The following WNK2 variants were observed in gnomAD, a reference collection of about 807,000 sequenced individuals.
The protein encoded by WNK2 is serine/threonine-protein kinase WNK2.
Under a neutral mutation model 192.1 loss-of-function variants are expected in WNK2, and 67 were observed. The observed-to-expected ratio is 0.35, with a 90% confidence interval of 0.29 to 0.43. The LOEUF is 0.43. Among genes scored for constraint, WNK2 ranks in the 20% least tolerant of loss-of-function variants. The probability of loss-of-function intolerance (pLI) is 1.00; values close to 1 mark genes in which losing one functional copy is unlikely to be tolerated. For synonymous variants in WNK2, 1,439 were observed against 1,393.9 expected (o/e 1.03, Z -0.72); for missense variants, 2,698 against 3,089.7 (o/e 0.87, Z 3.01).
rs775485696 is a variant in WNK2 at position 93,293,130 on chromosome 9, G to A, written c.5665G>A (p.Glu1889Lys). Reference protein sequence around the residue: ...YISSDNDSELEDADIKKELQS... With the variant: ...YISSDNDSELKDADIKKELQS... Reference sequence around the variant, plus strand: ...CAGCAGCGACAATGATTCGGAGCTCGAGGATGCTGACATAAAGAAGGAGCT... The same window carrying A: ...CAGCAGCGACAATGATTCGGAGCTCAAGGATGCTGACATAAAGAAGGAGCT... Residue 1889 changes from glutamate to lysine, a missense_variant, in exon 23 of 30, where the codon GAG becomes AAG. Physicochemically the swap from Glu to Lys is moderately conservative, Grantham distance 56. This residue lies in a region of WNK2 where 1,098 missense variants were observed against 1,101.0 expected (regional missense o/e 1.00). Transcript: ENST00000427277. The A allele has an allele frequency of 7.0e-6, 11 of 1,573,312 alleles. No homozygotes were observed. The highest frequency in any genetic ancestry group is 3.8e-5 in the Admixed American group (2 of 52,868).
Position 93,229,716 on chromosome 9 carries a change from G to A in WNK2, c.702G>A (p.Leu234=), listed in dbSNP as rs1838410905. 6.2e-7 allele frequency: 1 copy of A among 1,613,234 alleles called. No individual in the cohort carries two copies. The highest frequency in any genetic ancestry group is 8.5e-7 in the Non-Finnish European group (1 of 1,179,632). ...TGTAGGACCGGAAGCTCACCAAGCTGGAGCGGCAGCGGTTCAAGGAAGAGG... is the reference window on the plus strand; with the variant it reads ...TGTAGGACCGGAAGCTCACCAAGCTAGAGCGGCAGCGGTTCAAGGAAGAGG... ...CELQDRKLTK[L]ERQRFKEEAE... The change falls in exon 3 of 30, where the codon CTG becomes CTA. Residue 234 remains leucine (L), a synonymous_variant. Transcript: ENST00000427277. This position sits in a 1 kb window ranked among gnomAD's most constrained non-coding sequence, Gnocchi z 4.9.
At chr9:93,302,107 TCTG>T (rs1564212550) in intron 26 of WNK2, among the ~76,000 whole-genome samples, 1 of 152,202 alleles carries the variant, frequency 6.6e-6, no homozygotes, top group Non-Finnish European at 1.5e-5. Flanking sequence ...CACTGGCACA[TCTG>T]CTGCTCATGG....
rs146141399 is a variant in WNK2 at position 93,230,456 on chromosome 9, A to G, written c.855-432A>G. Reference sequence around the variant, plus strand: ...CAGGGCACAGCTCAGGGCAGGCCACACAGGTGGCCAGTGGCAGAGAGAGCC... The same window carrying G: ...CAGGGCACAGCTCAGGGCAGGCCACGCAGGTGGCCAGTGGCAGAGAGAGCC... On this transcript the variant is annotated intron_variant, in intron 3 of 29. Transcript: ENST00000427277. Among the ~76,000 whole-genome samples, 1,106 of 152,288 alleles carry G rather than the reference A, an allele frequency of 7.3e-3. 13 individuals are homozygous for G. The highest frequency in any genetic ancestry group is 0.025 in the African/African-American group (1,057 of 41,570).
intron 2 of WNK2, among the ~76,000 whole-genome samples, chr9:93,226,624 C>T (rs1038438001): frequency 2.0e-5 from 3 of 152,184 alleles, no homozygotes; most frequent in Non-Finnish European, 4.4e-5. Flanking sequence ...TCTCTTGGCT[C>T]CCACTTCTAC....
At chr9:93,240,392 T>C (rs1840553782) in intron 7 of WNK2, among the ~76,000 whole-genome samples, 1 of 152,164 alleles carries the variant, frequency 6.6e-6, no homozygotes, top group Non-Finnish European at 1.5e-5. Context: ...TTGGGAGCAC[T>C]GTTACATTGG....
chr9:93,243,870 G>T (rs1309061786), intron 7 of WNK2, among the ~76,000 whole-genome samples: 1 of 152,254 alleles, frequency 6.6e-6, no homozygotes, highest in Non-Finnish European at 1.5e-5. Flanking sequence ...AAAACAGCTT[G>T]ATGTTGGTGC....
chr9:93,308,897 G>T, intron 28 of WNK2: 6 of 1,231,596 alleles, frequency 4.9e-6, no homozygotes, highest in Non-Finnish European at 6.1e-6. Flanking sequence ...CTCAGAGCAG[G>T]TAGCCCTGGT....
chr9:93,306,677 C>T (rs1852614724), intron 26 of WNK2, 100 bp from the exon 27 acceptor site: 3 of 1,458,344 alleles, frequency 2.1e-6, no homozygotes, highest in Admixed American at 3.4e-5. Flanking sequence ...GTCTGCCCCT[C>T]CCTGCACACT....
rs1564117010 is a variant in WNK2, at chr9:93,262,015, C to A, written c.3268C>A (p.Leu1090Ile). The change falls in exon 13 of 30, where the codon CTT becomes ATT. Residue 1090 changes from leucine to isoleucine, a missense_variant. By Grantham distance (5) the Leu-to-Ile change is conservative. This residue lies in a region of WNK2 where 893 missense variants were observed against 909.0 expected (regional missense o/e 0.98). Coordinates refer to ENST00000427277, the MANE Select transcript of WNK2 (RefSeq NM_006648.4). ...GAGTGTGCCCACCCAGACTGCCACA[C>A]TTCTGCCACCAGCAAACCCACCGCT... ...VQSVPTQTAT[L>I]LPPANPPLPG... 1 of 1,611,780 alleles carries A rather than the reference C, an allele frequency of 6.2e-7. No individual in the cohort carries two copies. The highest frequency in any genetic ancestry group is 1.1e-5 in the South Asian group (1 of 90,988).
intron 4 of WNK2, 87 bp downstream of exon 4, chr9:93,231,195 A>G (rs1333215704): frequency 4.4e-6 from 6 of 1,353,430 alleles, no homozygotes; most frequent in Non-Finnish European, 5.2e-6. Flanking sequence ...TTTTGTTCAG[A>G]CCTGGTGCAG....
At position 93,259,501 on chromosome 9, in the gene WNK2, A is replaced by ATGCTGCCCCCACAACCTG. The variant is rs746181231; in HGVS notation, c.2964_2981dup (p.Val991_Pro996dup). ...TCAACCTGTGCTGCCCCCGCAACCC[A>ATGCTGCCCCCACAACCTG]TGCTGCCCCCACAACCTGTGCTGCC... On this transcript the variant is annotated inframe_insertion, in exon 12 of 30. Transcript: ENST00000427277. The surrounding 1 kb of genome is among the most constrained non-coding windows in gnomAD (Gnocchi z 4.8). The ATGCTGCCCCCACAACCTG allele has an allele frequency of 7.9e-7, 1 of 1,270,248 alleles. No individual in the cohort carries two copies. Among genetic ancestry groups the ATGCTGCCCCCACAACCTG allele is most frequent in the Admixed American group, 2.3e-5 (1 of 44,244 alleles). The allele number at this position is 1,270,248 out of a possible 1,614,324, so 78.7% of individuals were successfully genotyped here. A position where few individuals can be genotyped will look rare whatever the true frequency, so the allele number is the denominator to read the frequency against.
At chr9:93,255,489 C>T (rs1235422388) in intron 9 of WNK2, among the ~76,000 whole-genome samples, 1 of 152,166 alleles carries the variant, frequency 6.6e-6, no homozygotes. Context: ...TACACTTGCT[C>T]CAACCACTCA....
At chr9:93,260,117 C>T (rs983459917) in intron 12 of WNK2, among the ~76,000 whole-genome samples, 7 of 152,160 alleles carry the variant, frequency 4.6e-5, no homozygotes, top group Non-Finnish European at 8.8e-5. Flanking sequence ...TGGTGGGACC[C>T]GGGGCCATGT....
intron 23 of WNK2, among the ~76,000 whole-genome samples, chr9:93,296,995 C>T: frequency 7.3e-6 from 1 of 137,750 alleles, no homozygotes; most frequent in East Asian, 2.2e-4. Flanking sequence ...GGCTTCCTCC[C>T]CTCCGCATCC....
At chr9:93,234,587 C>T (rs1839491834) in intron 4 of WNK2, among the ~76,000 whole-genome samples, 1 of 152,236 alleles carries the variant, frequency 6.6e-6, no homozygotes, top group East Asian at 1.9e-4. Context: ...TAACCCTGGA[C>T]TCCTGTGGTT....
chr9:93,199,196 A>G (rs1026123933), intron 2 of WNK2, among the ~76,000 whole-genome samples: 1 of 152,130 alleles, frequency 6.6e-6, no homozygotes, highest in Non-Finnish European at 1.5e-5. Context: ...CAGAAGGAAG[A>G]TGACCGATGC....
intron 2 of WNK2, among the ~76,000 whole-genome samples, chr9:93,216,180 C>T (rs1307413488): frequency 6.6e-6 from 1 of 152,164 alleles, no homozygotes; most frequent in African/African-American, 2.4e-5. Context: ...CTCTGATTGC[C>T]ATCTTCCCAG....
intron 28 of WNK2, chr9:93,315,807 GTGTGTGTGTGTGTGTGTA>G (rs1375103723): frequency 6.6e-6 from 1 of 150,488 alleles, no homozygotes; most frequent in Non-Finnish European, 1.5e-5. Flanking sequence ...GTGTGTGTGT[GTGTGTGTGTGTGTGTGTA>G]TATAATGGAT....
intron 28 of WNK2, 75 bp from the exon 29 acceptor site, chr9:93,317,445 C>A: frequency 1.4e-6 from 2 of 1,469,366 alleles, no homozygotes; most frequent in Non-Finnish European, 9.4e-7. Flanking sequence ...AACTGTGGCA[C>A]CCTGGGGGCC....
Sources: allele counts gnomAD v4.1 joint callset (sites outside exome capture counted in the v4.1 genomes callset), GRCh38; gene constraint gnomAD v4.1.1; regional missense constraint gnomAD v4.1.1; non-coding constraint Gnocchi (gnomAD v3.1); transcripts MANE v1.5; gene names NCBI Gene and HGNC (gene_info 2026-07-23, HGNC 2026-07-21).